The following DHRSX variants were observed in gnomAD, a reference collection of about 807,000 sequenced individuals.
DHRSX encodes the protein dehydrogenase/reductase X-linked, also known as polyprenol dehydrogenase.
A neutral mutation model predicts 34.0 loss-of-function variants in DHRSX; 31 were observed. The observed-to-expected ratio is 0.91, with a 90% confidence interval of 0.69 to 1.23. DHRSX has a LOEUF of 1.23. DHRSX is among the 50% of genes most tolerant of loss of function. The pLI, the probability that DHRSX is intolerant of heterozygous loss-of-function variation, is 0.00. For missense variants in DHRSX, 414 were observed against 428.1 expected, an observed-to-expected ratio of 0.97 and a Z score of 0.29; for synonymous variants, 201 against 183.8, an observed-to-expected ratio of 1.09 and a Z score of -0.76.
At chrX:2,376,229 G>T (rs1262756286) in intron 3 of DHRSX, among the ~76,000 whole-genome samples, 2 of 137,552 alleles carry the variant, frequency 1.5e-5, no homozygotes, top group Admixed American at 1.5e-4. Context: ...CGGATCTGAG[G>T]CATTGTAGAT....
chrX:2,375,376 T>C lies in DHRSX; in HGVS notation c.286+33369A>G, dbSNP rs190695552. The stretch of plus-strand genomic sequence containing the variant: ...TCGTTCTTGGATATCATGGGCAGCA[T>C]TGAAAACTTAAACCTTTTTCTTCTT... On this transcript the variant is annotated intron_variant, in intron 3 of 6. Coordinates refer to ENST00000334651, the MANE Select transcript of DHRSX (RefSeq NM_145177.3). 7.5e-4 allele frequency among the ~76,000 whole-genome samples: 104 copies of C among 138,234 alleles called. 5 individuals are homozygous for C. Among genetic ancestry groups the C allele is most frequent in the African/African-American group, 2.3e-3 (95 of 40,818 alleles). The allele number at this position is 138,234 out of a possible 152,430, so 90.7% of individuals were successfully genotyped here.
chrX:2,345,049 G>A (rs2042687117), intron 3 of DHRSX, among the ~76,000 whole-genome samples: 1 of 151,558 alleles, frequency 6.6e-6, no homozygotes, highest in South Asian at 2.1e-4. Context: ...TGCTGCCACA[G>A]TGACCTCCCT....
intron 3 of DHRSX, among the ~76,000 whole-genome samples, chrX:2,320,263 A>G (rs2042292448): frequency 6.7e-6 from 1 of 150,010 alleles, no homozygotes; most frequent in Non-Finnish European, 1.5e-5. Flanking sequence ...TGACCCAAAG[A>G]GCTTCACATA....
intron 6 of DHRSX, among the ~76,000 whole-genome samples, chrX:2,232,817 C>T (rs1215701807): frequency 6.6e-6 from 1 of 151,922 alleles, no homozygotes; most frequent in African/African-American, 2.4e-5. Flanking sequence ...CATGATTCGC[C>T]CATGTCAGCC....
chrX:2,386,221 A>G (rs2043270935), intron 3 of DHRSX, among the ~76,000 whole-genome samples: 1 of 151,632 alleles, frequency 6.6e-6, no homozygotes, highest in African/African-American at 2.4e-5. Context: ...AGAGAGAGAA[A>G]GAAAGAGAGA....
At chrX:2,495,787 G>A (rs2124131888) in intron 1 of DHRSX, among the ~76,000 whole-genome samples, 1 of 152,052 alleles carries the variant, frequency 6.6e-6, no homozygotes, top group East Asian at 1.9e-4. Context: ...GGGGGGTTTG[G>A]GGGGGACACT....
intron 2 of DHRSX, among the ~76,000 whole-genome samples, chrX:2,412,209 G>A (rs1444771459): frequency 1.3e-5 from 2 of 152,204 alleles, no homozygotes; most frequent in African/African-American, 2.4e-5. Flanking sequence ...GGGGGCAGGG[G>A]AGGGCGTTAC....
At chrX:2,468,760 C>G (rs2044538856) in intron 1 of DHRSX, among the ~76,000 whole-genome samples, 1 of 151,592 alleles carries the variant, frequency 6.6e-6, no homozygotes. Context: ...CAAGGGACCA[C>G]CACCGTGTAC....
rs182025766 is a variant in DHRSX, at chrX:2,408,335, A to C, written c.286+410T>G. 3.6e-3 allele frequency among the ~76,000 whole-genome samples: 547 copies of C among 151,964 alleles called. 2 individuals carry two copies. The highest frequency in any genetic ancestry group is 0.012 in the African/African-American group (512 of 41,472). Reference sequence around the variant, plus strand: ...GTGATCCACCCGCCTCAGCCTCCCAAAGTGCTGGGATTACAGGCGCGAGCC... The same window carrying C: ...GTGATCCACCCGCCTCAGCCTCCCACAGTGCTGGGATTACAGGCGCGAGCC... On this transcript the variant is annotated intron_variant, in intron 3 of 6. Coordinates refer to ENST00000334651, the MANE Select transcript of DHRSX (RefSeq NM_145177.3).
chrX:2,253,227 A>G (rs759937352), intron 5 of DHRSX, among the ~76,000 whole-genome samples: 1 of 151,730 alleles, frequency 6.6e-6, no homozygotes, highest in African/African-American at 2.4e-5. Flanking sequence ...CATGGCCTTG[A>G]GCCAAGATGG....
intron 1 of DHRSX, among the ~76,000 whole-genome samples, chrX:2,438,202 G>GGTCATTCAT (rs1384700914): frequency 1.3e-5 from 2 of 150,334 alleles, no homozygotes; most frequent in African/African-American, 4.9e-5. Flanking sequence ...AAACCTGAAT[G>GGTCATTCAT]GTCATTCATT....
intron 1 of DHRSX, among the ~76,000 whole-genome samples, chrX:2,455,053 G>A (rs1209019130): frequency 1.3e-5 from 2 of 151,452 alleles, no homozygotes; most frequent in Non-Finnish European, 2.9e-5. Flanking sequence ...CAGAGGTTGC[G>A]GTGAGTCAAG....
intron 1 of DHRSX, chrX:2,500,512 T>G: frequency 1.9e-5 from 3 of 156,326 alleles, no homozygotes; most frequent in South Asian, 1.9e-4. Context: ...CGGGGGCTGC[T>G]TGGTTGGAGC....
intron 3 of DHRSX, among the ~76,000 whole-genome samples, chrX:2,362,259 T>C (rs886206506): frequency 2.0e-5 from 3 of 152,184 alleles, no homozygotes; most frequent in Admixed American, 6.5e-5. Flanking sequence ...AACCACTCTG[T>C]AGAAGGCTCC....
At position 2,324,281 on chromosome X, in the gene DHRSX, G is replaced by T. The variant is rs138706962; in HGVS notation, c.287-32678C>A. Among the ~76,000 whole-genome samples the T allele has an allele frequency of 8.3e-4, 126 of 152,198 alleles. 1 individual carries two copies. The East Asian group carries it at 0.023, about 28-fold the overall frequency. On this transcript the variant is annotated intron_variant, in intron 3 of 6. Coordinates refer to ENST00000334651, the MANE Select transcript of DHRSX (RefSeq NM_145177.3). Reference sequence around the variant, plus strand: ...TCCAAACATTGAATGCACTGAGACGGCGCTGCATGAAGCCTGTCTGTGAGT... The same window carrying T: ...TCCAAACATTGAATGCACTGAGACGTCGCTGCATGAAGCCTGTCTGTGAGT...
At chrX:2,381,333 T>A (rs1240703834) in intron 3 of DHRSX, among the ~76,000 whole-genome samples, 1 of 151,158 alleles carries the variant, frequency 6.6e-6, no homozygotes, top group Non-Finnish European at 1.5e-5. Context: ...ATGACAAGAG[T>A]GAGAAGGCAC....
chrX:2,248,627 G>C (rs769525263), intron 5 of DHRSX, among the ~76,000 whole-genome samples: 1 of 114,722 alleles, frequency 8.7e-6, no homozygotes, highest in African/African-American at 3.7e-5. Context: ...AAAAAAAAAA[G>C]AAAAAGAAAA....
intron 1 of DHRSX, among the ~76,000 whole-genome samples, chrX:2,481,065 A>C (rs1420031971): frequency 6.6e-6 from 1 of 152,182 alleles, no homozygotes; most frequent in Non-Finnish European, 1.5e-5. Context: ...TTAATGTGTT[A>C]ATTAGCTTGA....
intron 1 of DHRSX, among the ~76,000 whole-genome samples, chrX:2,444,595 C>T (rs1410795318): frequency 2.0e-5 from 3 of 152,126 alleles, no homozygotes; most frequent in Admixed American, 6.6e-5. Flanking sequence ...CTCTGGGAGG[C>T]CCAGGTGGGA....
Sources: allele counts gnomAD v4.1 joint callset (sites outside exome capture counted in the v4.1 genomes callset), GRCh38; gene constraint gnomAD v4.1.1; transcripts MANE v1.5; gene names NCBI Gene and HGNC (gene_info 2026-07-23, HGNC 2026-07-21).